Variants in SVIL observed in about 807,000 individuals in gnomAD.
The protein encoded by SVIL is supervillin, also known as archvillin.
SVIL carries 101 observed loss-of-function variants against 240.4 expected under a neutral mutation model. The observed-to-expected ratio is 0.42, with a 90% CI of 0.36 to 0.50. The LOEUF is 0.50. Ranked by LOEUF, SVIL falls within the 20% of genes least tolerant of loss-of-function variation. The pLI is 0.01. For missense variants in SVIL, 2,512 were observed against 2,818.7 expected, an observed-to-expected ratio of 0.89 and a Z score of 2.46; for synonymous variants, 999 against 1,100.0, an observed-to-expected ratio of 0.91 and a Z score of 1.82.
intron 3 of SVIL, among the ~76,000 whole-genome samples, chr10:29,556,336 G>A (rs1319238100): frequency 1.3e-5 from 2 of 152,176 alleles, no homozygotes; most frequent in African/African-American, 4.8e-5. Context: ...TTGAAAGGCT[G>A]AGTCACAGGA....
intron 3 of SVIL, 32 bp from the exon 4 acceptor site, chr10:29,555,140 G>A: frequency 6.4e-7 from 1 of 1,562,656 alleles, no homozygotes; most frequent in Non-Finnish European, 8.7e-7. Context: ...ACAAAATATA[G>A]TATTTAGTAG....
chr10:29,463,188 G>T (rs74129286), intron 35 of SVIL, among the ~76,000 whole-genome samples: 1 of 152,172 alleles, frequency 6.6e-6, no homozygotes, highest in East Asian at 1.9e-4. Context: ...AGTACAGCGG[G>T]GTTTTAATCT....
chr10:29,556,874 G>C (rs892986015), intron 3 of SVIL, among the ~76,000 whole-genome samples: 5 of 151,996 alleles, frequency 3.3e-5, no homozygotes, highest in African/African-American at 1.2e-4. Context: ...AAAACCAAAG[G>C]GTTTTAATTA....
chr10:29,654,515 T>G (rs1398556934), intron 3 of SVIL, among the ~76,000 whole-genome samples: 1 of 152,238 alleles, frequency 6.6e-6, no homozygotes, highest in Non-Finnish European at 1.5e-5. Context: ...TGGAAGCCTC[T>G]TATTTCATTT....
intron 1 of SVIL, among the ~76,000 whole-genome samples, chr10:29,697,058 G>C (rs1310315812): frequency 2.2e-4 from 29 of 129,242 alleles, no homozygotes; most frequent in South Asian, 5.2e-4. Flanking sequence ...CGTCCGGGAG[G>C]TGAGGGGCGC....
intron 1 of SVIL, among the ~76,000 whole-genome samples, chr10:29,604,573 C>T (rs2132851258): frequency 6.7e-6 from 1 of 149,416 alleles, no homozygotes; most frequent in Admixed American, 6.7e-5. Context: ...CTTACTTACT[C>T]ATTGATGGAT....
intron 2 of SVIL, among the ~76,000 whole-genome samples, chr10:29,677,773 A>G (rs1298445153): frequency 6.6e-6 from 1 of 152,154 alleles, no homozygotes; most frequent in Non-Finnish European, 1.5e-5. Context: ...CCATAAGGAA[A>G]GAGGGAAAGG....
intron 1 of SVIL, among the ~76,000 whole-genome samples, chr10:29,712,255 G>C (rs930464131): frequency 6.6e-6 from 1 of 152,138 alleles, no homozygotes; most frequent in Non-Finnish European, 1.5e-5. Context: ...TGTTGGAGGC[G>C]GTGCCTAATG....
intron 1 of SVIL, among the ~76,000 whole-genome samples, chr10:29,708,145 C>T (rs1390595037): frequency 1.3e-5 from 2 of 150,388 alleles, no homozygotes. Context: ...GTAGTCCCAG[C>T]TACTCGGGAG....
At chr10:29,614,089 CACTA>C (rs1278294304) in intron 1 of SVIL, among the ~76,000 whole-genome samples, 2 of 152,140 alleles carry the variant, frequency 1.3e-5, no homozygotes, top group Non-Finnish European at 2.9e-5. Context: ...TTTCTATTAT[CACTA>C]ACTATACCAC....
chr10:29,583,835 T>C (rs1956049023), intron 1 of SVIL, among the ~76,000 whole-genome samples: 2 of 152,240 alleles, frequency 1.3e-5, no homozygotes, highest in South Asian at 4.1e-4. Context: ...CCACACTGTC[T>C]GTTGAAATGA....
intron 17 of SVIL, among the ~76,000 whole-genome samples, chr10:29,501,047 AG>A (rs1308582581): frequency 1.3e-5 from 2 of 152,152 alleles, no homozygotes; most frequent in East Asian, 3.9e-4. Context: ...CCATCATCTA[AG>A]TGATGAATCT....
intron 1 of SVIL, among the ~76,000 whole-genome samples, chr10:29,597,182 A>G (rs1375141211): frequency 6.6e-6 from 1 of 152,188 alleles, no homozygotes; most frequent in Non-Finnish European, 1.5e-5. Flanking sequence ...TTAAGAGACA[A>G]AATGGCGAAG....
intron 1 of SVIL, among the ~76,000 whole-genome samples, chr10:29,617,887 A>G (rs1432255681): frequency 6.6e-6 from 1 of 152,258 alleles, no homozygotes; most frequent in Non-Finnish European, 1.5e-5. Flanking sequence ...ACTGATTTAA[A>G]AGACAGATGC....
chr10:29,469,801 C>T (rs1945345575), intron 32 of SVIL, among the ~76,000 whole-genome samples: 1 of 152,224 alleles, frequency 6.6e-6, no homozygotes, highest in Admixed American at 6.5e-5. Context: ...CGATCCCTCT[C>T]CATCGGGGGC....
chr10:29,531,312 C>G, intron 9 of SVIL, 24 bp from the exon 10 acceptor site: 1 of 1,608,944 alleles, frequency 6.2e-7, no homozygotes, highest in East Asian at 2.2e-5. Context: ...TAGCAAATAA[C>G]AATAATACAT....
At chr10:29,589,908 C>G (rs1382776907) in intron 1 of SVIL, among the ~76,000 whole-genome samples, 23 of 152,118 alleles carry the variant, frequency 1.5e-4, no homozygotes, top group African/African-American at 5.6e-4. Flanking sequence ...GTGGCTCACG[C>G]CTGTAATCCC....
chr10:29,708,490 G>A (rs1183961717), intron 1 of SVIL, among the ~76,000 whole-genome samples: 16 of 151,502 alleles, frequency 1.1e-4, no homozygotes, highest in Non-Finnish European at 4.4e-5. Flanking sequence ...GCGTGGTGGC[G>A]GGCGCCTGTA....
At chr10:29,491,347 C>G (rs1947937957) in intron 21 of SVIL, among the ~76,000 whole-genome samples, 1 of 152,174 alleles carries the variant, frequency 6.6e-6, no homozygotes, top group South Asian at 2.1e-4. Context: ...CTCCCCCCTA[C>G]CACGCCCATG....
Sources: allele counts gnomAD v4.1 joint callset (sites outside exome capture counted in the v4.1 genomes callset), GRCh38; gene constraint gnomAD v4.1.1; transcripts MANE v1.5; gene names NCBI Gene and HGNC (gene_info 2026-07-23, HGNC 2026-07-21).